The following DYNC2I1 variants were observed in gnomAD, a reference collection of about 807,000 sequenced individuals.
The protein encoded by DYNC2I1 is cytoplasmic dynein 2 intermediate chain 1.
A neutral mutation model predicts 133.4 loss-of-function variants in DYNC2I1; 89 were observed. The observed-to-expected ratio is 0.67, with a 90% CI of 0.56 to 0.80. DYNC2I1 has a LOEUF of 0.80. Ranked by LOEUF, DYNC2I1 falls within the 30% of genes least tolerant of loss-of-function variation. DYNC2I1 has a pLI of 0.00. For synonymous variants in DYNC2I1, 504 were observed against 484.3 expected, an observed-to-expected ratio of 1.04 and a Z score of -0.54; for missense variants, 1,291 against 1,314.5, an observed-to-expected ratio of 0.98 and a Z score of 0.28.
chr7:158,840,632 CTAGT>C, the DYNC2I1 span, among the ~76,000 whole-genome samples: 5 of 152,274 alleles, frequency 3.3e-5, no homozygotes, highest in South Asian at 2.1e-4. Flanking sequence ...AGTTTATAGT[CTAGT>C]TAGGGAGATG....
downstream of DYNC2I1, among the ~76,000 whole-genome samples, chr7:158,950,246 T>C (rs577415555): frequency 6.6e-6 from 1 of 152,218 alleles, no homozygotes; most frequent in Non-Finnish European, 1.5e-5. Flanking sequence ...GTATTTTTAA[T>C]AGAGATGGGG....
chr7:158,879,814 A>G lies in DYNC2I1; in HGVS notation c.704A>G (p.Glu235Gly). ...CACCGAGAAAAAAGCAGCACAAGGG[A>G]AAAAAGAGAGAAATATTCCAAAGAG... is the stretch of plus-strand genomic sequence containing the variant. Reference protein sequence around the residue: ...NKHREKSSTREKREKYSKEKS... With the variant: ...NKHREKSSTRGKREKYSKEKS... The change falls in exon 5 of 25, where the codon GAA becomes GGA. Residue 235 changes from glutamate to glycine, a missense_variant. Transcript: ENST00000407559. 1.2e-6 allele frequency: 2 copies of G among 1,612,752 alleles called. No individual in the cohort carries two copies. Among genetic ancestry groups the G allele is most frequent in the African/African-American group, 2.7e-5 (2 of 74,958 alleles).
At chr7:158,885,650 CAT>C (rs1844524158) in intron 6 of DYNC2I1, among the ~76,000 whole-genome samples, 1 of 152,146 alleles carries the variant, frequency 6.6e-6, no homozygotes, top group Non-Finnish European at 1.5e-5. Flanking sequence ...CCTAAACTCT[CAT>C]ATGTAAGCCC....
chr7:158,851,417 T>A, the DYNC2I1 span, among the ~76,000 whole-genome samples: 1 of 104,468 alleles, frequency 9.6e-6, no homozygotes, highest in Non-Finnish European at 1.7e-5. Context: ...GTGCCTGTAA[T>A]CCCAGCAAGA....
intron 1 of DYNC2I1, among the ~76,000 whole-genome samples, chr7:158,862,147 T>G (rs1018820226): frequency 1.3e-5 from 2 of 152,114 alleles, no homozygotes; most frequent in African/African-American, 4.8e-5. Flanking sequence ...CTCATTCCAC[T>G]CTGTAATTCT....
chr7:158,875,382 C>T lies in DYNC2I1; in HGVS notation c.491-1227C>T, dbSNP rs868698883. Among the ~76,000 whole-genome samples the T allele has an allele frequency of 2.0e-5, 3 of 152,232 alleles. No individual in the cohort carries two copies. The Middle Eastern group carries it at 0.01, about 518-fold the overall frequency. On this transcript the variant is annotated intron_variant, in intron 3 of 24. Coordinates refer to ENST00000407559, the MANE Select transcript of DYNC2I1 (RefSeq NM_018051.5). ...TGCTGGGATTACAAGTGTGAGCTAC[C>T]GTGCCCAGCCTGGTAAATGCTTTTT...
rs1429683979 is a variant in DYNC2I1 at position 158,942,059 on chromosome 7, G to C, written c.2913G>C (p.Leu971=). Residue 971 remains leucine, a synonymous_variant, in exon 24 of 25, where the codon CTG becomes CTC. Coordinates refer to ENST00000407559, the MANE Select transcript of DYNC2I1 (RefSeq NM_018051.5). Reference sequence around the variant, plus strand: ...CCCCAACCAGGCCTGCCGTGTTCCTGGTGCAGGACGACACATCCAACATCT... The same window carrying C: ...CCCCAACCAGGCCTGCCGTGTTCCTCGTGCAGGACGACACATCCAACATCT... ...QWSPTRPAVF[L]VQDDTSNIYI... 1.3e-5 allele frequency: 21 copies of C among 1,612,456 alleles called. No homozygotes were observed. Among genetic ancestry groups the C allele is most frequent in the Non-Finnish European group, 1.8e-5 (21 of 1,179,134 alleles).
At chr7:158,934,025 CT>C (rs1477811417) in intron 21 of DYNC2I1, 103 bp from the exon 22 acceptor site, 1 of 762,162 alleles carries the variant, frequency 1.3e-6, no homozygotes, top group African/African-American at 1.8e-5. Flanking sequence ...GTGACATGGC[CT>C]GTTATACATC....
chr7:158,849,003 T>A, the DYNC2I1 span, among the ~76,000 whole-genome samples: 3 of 152,212 alleles, frequency 2.0e-5, no homozygotes, highest in South Asian at 4.1e-4. Context: ...GTCTTCTGTA[T>A]TTGCCCCAGA....
chr7:158,943,640 C>G (rs1851594009), intron 24 of DYNC2I1, among the ~76,000 whole-genome samples: 1 of 152,132 alleles, frequency 6.6e-6, no homozygotes, highest in African/African-American at 2.4e-5. Context: ...AGGGTCTGAG[C>G]ACAGGAGCCC....
intron 1 of DYNC2I1, among the ~76,000 whole-genome samples, chr7:158,864,126 G>A (rs1025174973): frequency 2.0e-5 from 3 of 150,290 alleles, no homozygotes; most frequent in Non-Finnish European, 3.0e-5. Context: ...GGTGTGGGGG[G>A]GGGAGCAGAC....
intron 6 of DYNC2I1, among the ~76,000 whole-genome samples, 176 bp from the exon 7 acceptor site, chr7:158,886,845 C>T (rs547355544): frequency 6.6e-6 from 1 of 152,320 alleles, no homozygotes; most frequent in South Asian, 2.1e-4. Flanking sequence ...AAGTGGTCCT[C>T]CTGCCTCAAT....
intron 8 of DYNC2I1, among the ~76,000 whole-genome samples, chr7:158,894,120 CTACCGCATATCA>C (rs1352336582): frequency 7.9e-5 from 6 of 75,614 alleles, no homozygotes; most frequent in East Asian, 8.0e-4. Flanking sequence ...ACTGCATATC[CTACCGCATATCA>C]TACCGCATAT....
rs376931354 is a variant in DYNC2I1 at position 158,871,297 on chromosome 7, C to T, written c.225C>T (p.Thr75=). The T allele has an allele frequency of 1.6e-5, 25 of 1,580,570 alleles. No homozygotes were observed. Among genetic ancestry groups the T allele is most frequent in the African/African-American group, 1.1e-4 (8 of 74,240 alleles). The change falls in exon 3 of 25, where the codon ACC becomes ACT. Residue 75 remains threonine (T), a synonymous_variant. Coordinates refer to ENST00000407559, the MANE Select transcript of DYNC2I1 (RefSeq NM_018051.5). ...GAGACAGGGTGGCCGAAGTCCACAC[C>T]GCTAAGGAGAGTCCTCGTGGGGAGA... ...RSRDRVAEVH[T]AKESPRGERD... is the part of the protein sequence containing the mutation.
intron 14 of DYNC2I1, among the ~76,000 whole-genome samples, chr7:158,915,976 G>T (rs1848193626): frequency 2.2e-5 from 3 of 133,998 alleles, no homozygotes; most frequent in African/African-American, 8.8e-5. Context: ...CATTAAGGAT[G>T]ATTGTGAAAC....
At chr7:158,884,959 A>G (rs1250638454) in intron 6 of DYNC2I1, among the ~76,000 whole-genome samples, 1 of 152,130 alleles carries the variant, frequency 6.6e-6, no homozygotes, top group East Asian at 1.9e-4. Context: ...GAAAATTGGT[A>G]CTCACTTTGG....
intron 12 of DYNC2I1, among the ~76,000 whole-genome samples, chr7:158,912,772 G>A (rs937577974): frequency 7.2e-5 from 11 of 152,138 alleles, no homozygotes; most frequent in Non-Finnish European, 1.3e-4. Context: ...CAGACTAAAG[G>A]GAAATCGTTT....
At chr7:158,873,937 T>C (rs891315774) in intron 3 of DYNC2I1, among the ~76,000 whole-genome samples, 3 of 152,080 alleles carry the variant, frequency 2.0e-5, no homozygotes, top group African/African-American at 7.2e-5. Context: ...TTTGTATTTT[T>C]AGCAGCGACG....
the DYNC2I1 span, among the ~76,000 whole-genome samples, chr7:158,849,358 G>A: frequency 1.3e-5 from 2 of 152,184 alleles, no homozygotes; most frequent in Non-Finnish European, 2.9e-5. Flanking sequence ...TCAAACTGAA[G>A]GCATGTCAGT....
Sources: allele counts gnomAD v4.1 joint callset (sites outside exome capture counted in the v4.1 genomes callset), GRCh38; gene constraint gnomAD v4.1.1; transcripts MANE v1.5; gene names NCBI Gene and HGNC (gene_info 2026-07-23, HGNC 2026-07-21).